ARLN: variants seen among roughly 807,000 people sequenced by gnomAD.
The protein encoded by ARLN is sarcoplasmic/endoplasmic reticulum calcium ATPase regulator ARLN.
the ARLN span, among the ~76,000 whole-genome samples, chr4:119,299,432 T>C: frequency 6.6e-6 from 1 of 152,146 alleles, no homozygotes; most frequent in Non-Finnish European, 1.5e-5. Context: ...TAACAGTGAG[T>C]GAACAATCAA....
the ARLN span, chr4:119,300,529 C>T: frequency 6.2e-7 from 1 of 1,614,162 alleles, no homozygotes; most frequent in Non-Finnish European, 8.5e-7. Flanking sequence ...GGTGCGTCCA[C>T]CTCCATCTCG....
chr4:119,302,717 A>G, the ARLN span, among the ~76,000 whole-genome samples: 4 of 152,236 alleles, frequency 2.6e-5, no homozygotes, highest in African/African-American at 4.8e-5. Context: ...CACTGCAACC[A>G]TGATCCAACA....
At chr4:119,303,467 T>A in the ARLN span, among the ~76,000 whole-genome samples, 1 of 145,572 alleles carries the variant, frequency 6.9e-6, no homozygotes, top group Non-Finnish European at 1.5e-5. Flanking sequence ...ACTCCTGACC[T>A]CAGGTGATCC....
At chr4:119,302,470 G>A in the ARLN span, among the ~76,000 whole-genome samples, 3 of 152,160 alleles carry the variant, frequency 2.0e-5, no homozygotes, top group African/African-American at 7.2e-5. Context: ...TGAACTACTG[G>A]CCTCAAGTGA....
the ARLN span, among the ~76,000 whole-genome samples, chr4:119,302,543 C>T: frequency 1.3e-5 from 2 of 152,168 alleles, no homozygotes; most frequent in Non-Finnish European, 2.9e-5. Context: ...GCTCAGTTGG[C>T]ATTTGCCATT....
chr4:119,299,163 T>C, the ARLN span, among the ~76,000 whole-genome samples: 24 of 152,260 alleles, frequency 1.6e-4, no homozygotes, highest in Non-Finnish European at 3.5e-4. Context: ...CACAGCTCAC[T>C]GAAGCCTCGA....
the ARLN span, chr4:119,300,809 A>G: frequency 4.2e-6 from 6 of 1,440,774 alleles, no homozygotes; most frequent in African/African-American, 8.6e-5. Flanking sequence ...CGTCCCAGGC[A>G]GATAGCTGGT....
At chr4:119,298,762 A>G in the ARLN span, 16 of 774,504 alleles carry the variant, frequency 2.1e-5, no homozygotes, top group East Asian at 3.6e-4. Flanking sequence ...TTCTTAATTT[A>G]GATATCAGCG....
the ARLN span, chr4:119,300,863 A>G: frequency 1.9e-5 from 26 of 1,399,316 alleles, no homozygotes; most frequent in Non-Finnish European, 2.2e-5. Context: ...TCCCCCTGAA[A>G]GGCCCAGTCC....
At chr4:119,298,803 G>C in the ARLN span, 1 of 773,988 alleles carries the variant, frequency 1.3e-6, no homozygotes, top group Non-Finnish European at 2.4e-6. Flanking sequence ...GTATTTGTCA[G>C]CAATATGTGC....
chr4:119,300,021 G>C, the ARLN span, among the ~76,000 whole-genome samples: 53,624 of 151,500 alleles, frequency 0.35, 10,569 homozygotes, highest in Non-Finnish European at 0.46. Flanking sequence ...AAAAAATAAA[G>C]CTCCAAAAGG....
chr4:119,300,309 C>A, the ARLN span: 1 of 1,575,992 alleles, frequency 6.3e-7, no homozygotes, highest in African/African-American at 1.4e-5. Flanking sequence ...CTCCTTACCA[C>A]CCCAATTTTG....
At chr4:119,302,408 G>A in the ARLN span, among the ~76,000 whole-genome samples, 2 of 152,190 alleles carry the variant, frequency 1.3e-5, no homozygotes, top group Non-Finnish European at 2.9e-5. Context: ...CCCACTGATT[G>A]TTGATTATTC....
the ARLN span, chr4:119,297,581 TAC>T: frequency 6.6e-6 from 1 of 152,234 alleles, no homozygotes. Flanking sequence ...TAGCTGGGAC[TAC>T]AGGTGCATGC....
At chr4:119,300,739 A>G in the ARLN span, 16 of 1,510,056 alleles carry the variant, frequency 1.1e-5, no homozygotes, top group Non-Finnish European at 1.4e-5. Flanking sequence ...GACCGCTGGC[A>G]TGAAGCGCGG....
chr4:119,299,953 T>G, the ARLN span, among the ~76,000 whole-genome samples: 1 of 152,130 alleles, frequency 6.6e-6, no homozygotes, highest in South Asian at 2.1e-4. Context: ...ATCACTACGA[T>G]CTCAATCTTC....
the ARLN span, chr4:119,298,672 G>A: frequency 1.5e-6 from 1 of 658,052 alleles, no homozygotes; most frequent in South Asian, 2.0e-5. Flanking sequence ...CCTTGGAGAT[G>A]TGAAATTCTT....
chr4:119,299,500 C>T, the ARLN span, among the ~76,000 whole-genome samples: 1 of 152,176 alleles, frequency 6.6e-6, no homozygotes, highest in African/African-American at 2.4e-5. Context: ...CCATAGGAGC[C>T]CTGTTTCATC....
At chr4:119,300,876 T>C in the ARLN span, 4 of 1,329,166 alleles carry the variant, frequency 3.0e-6, no homozygotes. Context: ...CCCAGTCCAG[T>C]CAGGTGATGG....
Sources: allele counts gnomAD v4.1 joint callset (sites outside exome capture counted in the v4.1 genomes callset), GRCh38; gene constraint gnomAD v4.1.1; transcripts MANE v1.5; gene names NCBI Gene and HGNC (gene_info 2026-07-23, HGNC 2026-07-21).